Variants in WARS2 observed in about 807,000 individuals in gnomAD.
WARS2 encodes the protein tryptophanyl tRNA synthetase 2, mitochondrial, also known as tryptophan--tRNA ligase, mitochondrial.
A neutral mutation model predicts 36.5 loss-of-function variants in WARS2; 28 were observed. The observed-to-expected ratio is 0.77, with a 90% CI of 0.57 to 1.05. WARS2 has a LOEUF of 1.05. WARS2 is among the 50% of genes least tolerant of loss of function. The pLI is 0.00. For missense variants in WARS2, 435 were observed against 456.8 expected (o/e 0.95, Z 0.44); for synonymous variants, 174 against 178.4 (o/e 0.98, Z 0.20).
At chr1:119,038,722 C>T (rs1170392697) in intron 4 of WARS2, among the ~76,000 whole-genome samples, 2 of 152,088 alleles carry the variant, frequency 1.3e-5, no homozygotes, top group African/African-American at 4.8e-5. Flanking sequence ...ACTCCGTCAC[C>T]CAGGCTAGAG....
chr1:119,139,056 A>G (rs1438141556), intron 1 of WARS2, among the ~76,000 whole-genome samples: 1 of 152,096 alleles, frequency 6.6e-6, no homozygotes, highest in Non-Finnish European at 1.5e-5. Flanking sequence ...GTTTGGAATA[A>G]GGGGAAGTTT....
intron 1 of WARS2, among the ~76,000 whole-genome samples, chr1:119,120,339 C>G (rs1451903201): frequency 6.6e-6 from 1 of 151,522 alleles, no homozygotes; most frequent in Admixed American, 6.6e-5. Context: ...TACAAACTTC[C>G]TAGATTAAAC....
At chr1:119,094,028 T>C (rs1255923035) in intron 1 of WARS2, among the ~76,000 whole-genome samples, 1 of 152,192 alleles carries the variant, frequency 6.6e-6, no homozygotes, top group African/African-American at 2.4e-5. Flanking sequence ...CATTATTACA[T>C]AGACCATGTC....
chr1:119,134,821 T>C (rs1656373068), intron 1 of WARS2, among the ~76,000 whole-genome samples: 1 of 152,188 alleles, frequency 6.6e-6, no homozygotes, highest in Non-Finnish European at 1.5e-5. Flanking sequence ...CCTCATATTG[T>C]AATCTTCAGA....
intron 2 of WARS2, among the ~76,000 whole-genome samples, chr1:119,073,044 G>A (rs954954660): frequency 1.1e-4 from 17 of 151,822 alleles, no homozygotes; most frequent in African/African-American, 3.9e-4. Context: ...CTATTACTCA[G>A]GTGGCTAAGG....
chr1:119,120,397 G>A (rs1655253179), intron 1 of WARS2, among the ~76,000 whole-genome samples: 1 of 151,758 alleles, frequency 6.6e-6, no homozygotes, highest in African/African-American at 2.4e-5. Context: ...TAATGAGATT[G>A]AAACAGTAAT....
intron 2 of WARS2, among the ~76,000 whole-genome samples, chr1:119,053,967 G>A (rs2101167184): frequency 6.6e-6 from 1 of 152,156 alleles, no homozygotes; most frequent in Middle Eastern, 3.4e-3. Flanking sequence ...TGAGGCAGAA[G>A]GATGGCTTGA....
At chr1:119,096,805 G>A (rs587667502) in intron 1 of WARS2, among the ~76,000 whole-genome samples, 4 of 151,940 alleles carry the variant, frequency 2.6e-5, no homozygotes, top group Admixed American at 6.6e-5. Context: ...ATCAAATAGC[G>A]CTCTCATTTT....
chr1:119,044,023 CTTGT>C lies in WARS2; in HGVS notation c.429+1555_429+1558del, dbSNP rs538164165. Among the ~76,000 whole-genome samples, 316 of 152,314 alleles carry C rather than the reference CTTGT, an allele frequency of 2.1e-3. 2 individuals are homozygous for C. Among genetic ancestry groups the C allele is most frequent in the African/African-American group, 7.1e-3 (294 of 41,554 alleles). ...GAGCACTTCTTACACTTTCTTATTACTTGTTTAATTGTCTTTTCCCAAACAGACT... is the reference window on the plus strand; with the variant it reads ...GAGCACTTCTTACACTTTCTTATTACTTAATTGTCTTTTCCCAAACAGACT... On this transcript the variant is annotated intron_variant, in intron 3 of 5. Coordinates refer to ENST00000235521, the MANE Select transcript of WARS2 (RefSeq NM_015836.4).
intron 1 of WARS2, among the ~76,000 whole-genome samples, chr1:119,098,139 C>T (rs1370095882): frequency 6.6e-6 from 1 of 151,978 alleles, no homozygotes; most frequent in African/African-American, 2.4e-5. Context: ...GTCCCAGCTA[C>T]TTGGGAGGCT....
intron 2 of WARS2, among the ~76,000 whole-genome samples, chr1:119,049,019 C>T (rs909849716): frequency 1.3e-5 from 2 of 152,234 alleles, no homozygotes; most frequent in South Asian, 2.1e-4. Flanking sequence ...GCTGAGATCG[C>T]GGAGACCAAG....
In WARS2 at chr1:119,072,687, G is replaced by A. The variant is rs189558133; in HGVS notation, c.348+3663C>T. 1.3e-4 allele frequency among the ~76,000 whole-genome samples: 20 copies of A among 152,208 alleles called. No individual in the cohort carries two copies. The East Asian group carries it at 3.9e-3, about 29-fold the overall frequency. On this transcript the variant is annotated intron_variant, in intron 2 of 5. Coordinates refer to ENST00000235521, the MANE Select transcript of WARS2 (RefSeq NM_015836.4). Reference sequence around the variant, plus strand: ...CAAGCCTACTATAAAAGTCATTTTTGGGAGAGTCAGGGTAATTTGGGTATT... The same window carrying A: ...CAAGCCTACTATAAAAGTCATTTTTAGGAGAGTCAGGGTAATTTGGGTATT...
chr1:119,095,759 C>T (rs185953877), intron 1 of WARS2, among the ~76,000 whole-genome samples: 245 of 152,282 alleles, frequency 1.6e-3, no homozygotes, highest in Non-Finnish European at 2.9e-3. Flanking sequence ...TGACATACCA[C>T]ATAGCTTCCT....
chr1:119,113,144 T>G (rs1348431609), intron 1 of WARS2, among the ~76,000 whole-genome samples: 1 of 152,200 alleles, frequency 6.6e-6, no homozygotes, highest in Non-Finnish European at 1.5e-5. Flanking sequence ...AGATCTGGAT[T>G]TGAAGCCATT....
At chr1:119,048,233 G>A (rs1022612152) in intron 2 of WARS2, among the ~76,000 whole-genome samples, 2 of 152,226 alleles carry the variant, frequency 1.3e-5, no homozygotes, top group Non-Finnish European at 2.9e-5. Flanking sequence ...TGTCTTTGGA[G>A]TGAGGTTGCC....
chr1:119,048,401 TA>T (rs1649035709), intron 2 of WARS2, among the ~76,000 whole-genome samples: 1 of 152,254 alleles, frequency 6.6e-6, no homozygotes, highest in Non-Finnish European at 1.5e-5. Flanking sequence ...AACTACTCAA[TA>T]AATGGTGGCT....
chr1:119,102,067 G>T (rs955999166), intron 1 of WARS2, among the ~76,000 whole-genome samples: 1 of 148,310 alleles, frequency 6.7e-6, no homozygotes. Flanking sequence ...TGGCGGTGGG[G>T]GTTGGGGGGG....
chr1:119,100,490 C>T (rs1403994272), intron 1 of WARS2, among the ~76,000 whole-genome samples: 1 of 152,176 alleles, frequency 6.6e-6, no homozygotes, highest in Non-Finnish European at 1.5e-5. Flanking sequence ...TATCTGCACT[C>T]GCATGTTTAC....
chr1:119,033,271 T>A lies in WARS2; in HGVS notation c.723A>T (p.Thr241=). The A allele has an allele frequency of 6.2e-7, 1 of 1,614,268 alleles. No homozygotes were observed. The highest frequency in any genetic ancestry group is 8.5e-7 in the Non-Finnish European group (1 of 1,180,052). ...DPDKLATVRI[T]DSPEEIVQKF... ...TCTGCACTATCTCCTCTGGGCTGTCTGTTATTCGGACGGTGGCCAGTTTGT... is the reference window on the plus strand; with the variant it reads ...TCTGCACTATCTCCTCTGGGCTGTCAGTTATTCGGACGGTGGCCAGTTTGT... Residue 241 remains threonine (T), a synonymous_variant, in exon 6 of 6, where the codon ACA becomes ACT. Coordinates refer to ENST00000235521, the MANE Select transcript of WARS2 (RefSeq NM_015836.4).
Sources: allele counts gnomAD v4.1 joint callset (sites outside exome capture counted in the v4.1 genomes callset), GRCh38; gene constraint gnomAD v4.1.1; transcripts MANE v1.5; gene names NCBI Gene and HGNC (gene_info 2026-07-23, HGNC 2026-07-21).